Variants in CDH12 observed in about 807,000 individuals in gnomAD.
CDH12 encodes cadherin 12.
A neutral mutation model predicts 74.1 loss-of-function variants in CDH12; 41 were observed. That is an observed-to-expected ratio of 0.55 (90% CI 0.43 to 0.72). CDH12 has a LOEUF of 0.72. Ranked by LOEUF, CDH12 falls within the 30% of genes least tolerant of loss-of-function variation. CDH12 has a pLI of 0.00. For synonymous variants in CDH12, 399 were observed against 355.0 expected (o/e 1.12, Z -1.39); for missense variants, 945 against 977.2 (o/e 0.97, Z 0.44).
rs549064537 is a variant in CDH12, at chr5:22,412,002, T to C, written c.-427-6651A>G. ...TGAAAATAGAATATACAAGTTAATG[T>C]GCAATGTGCTTTTAAAGCACAATTG... On this transcript the variant is annotated intron_variant, in intron 2 of 14. Transcript: ENST00000382254. Among the ~76,000 whole-genome samples the C allele has an allele frequency of 2.6e-5, 4 of 152,136 alleles. No homozygotes were observed. In the South Asian group the frequency reaches 8.3e-4, roughly 31 times the overall value.
intron 3 of CDH12, among the ~76,000 whole-genome samples, chr5:22,221,533 A>T (rs947673920): frequency 6.6e-6 from 1 of 151,806 alleles, no homozygotes; most frequent in African/African-American, 2.4e-5. Flanking sequence ...ACTTAATGGC[A>T]CTCACCTTGA....
At chr5:21,931,666 T>C (rs1754845188) in intron 6 of CDH12, among the ~76,000 whole-genome samples, 1 of 152,226 alleles carries the variant, frequency 6.6e-6, no homozygotes, top group African/African-American at 2.4e-5. Flanking sequence ...TAAGTTGTTT[T>C]CCAATCTTAA....
intron 11 of CDH12, among the ~76,000 whole-genome samples, chr5:21,775,150 C>T (rs1028534612): frequency 6.6e-6 from 1 of 152,128 alleles, no homozygotes; most frequent in African/African-American, 2.4e-5. Flanking sequence ...ATTCTCAAAG[C>T]GAATAGAACT....
chr5:22,569,963 A>G (rs1739464495), intron 1 of CDH12, among the ~76,000 whole-genome samples: 1 of 152,208 alleles, frequency 6.6e-6, no homozygotes, highest in Non-Finnish European at 1.5e-5. Context: ...ATGGTTTTCA[A>G]TTACTATGCT....
chr5:21,901,465 T>C lies in CDH12; in HGVS notation c.527-46675A>G, dbSNP rs577899408. On this transcript the variant is annotated intron_variant, in intron 6 of 14. Coordinates refer to ENST00000382254, the MANE Select transcript of CDH12 (RefSeq NM_004061.5). ...TTTTCAAATATCTTTTTTCAAAAAC[T>C]TGTTGGAACTGTTCTACTTCTATGA... is the stretch of plus-strand genomic sequence containing the variant. Among the ~76,000 whole-genome samples, 3 of 152,322 alleles carry C rather than the reference T, an allele frequency of 2.0e-5. No homozygotes were observed. In the East Asian group the frequency reaches 5.8e-4, roughly 29 times the overall value.
intron 3 of CDH12, among the ~76,000 whole-genome samples, chr5:22,225,236 A>T (rs1303798560): frequency 6.6e-6 from 1 of 152,132 alleles, no homozygotes; most frequent in Non-Finnish European, 1.5e-5. Context: ...AAGGATGCTA[A>T]CGTTATAAAT....
At chr5:22,117,517 ATATATAATAT>A (rs1745238743) in intron 4 of CDH12, among the ~76,000 whole-genome samples, 2 of 87,442 alleles carry the variant, frequency 2.3e-5, no homozygotes, top group African/African-American at 5.0e-5. Context: ...TATATAATAT[ATATATAATAT>A]ATATATATAT....
chr5:22,359,813 C>A (rs997778310), intron 3 of CDH12, among the ~76,000 whole-genome samples: 1 of 152,134 alleles, frequency 6.6e-6, no homozygotes. Context: ...AACTGAACAA[C>A]CTGCTCCTGA....
intron 3 of CDH12, among the ~76,000 whole-genome samples, chr5:22,347,569 C>A (rs1450340268): frequency 2.0e-5 from 3 of 152,122 alleles, no homozygotes; most frequent in Non-Finnish European, 4.4e-5. Flanking sequence ...TGGGACTTCA[C>A]CTTGTGATTC....
At chr5:22,409,680 C>A (rs1337954923) in intron 2 of CDH12, among the ~76,000 whole-genome samples, 1 of 152,050 alleles carries the variant, frequency 6.6e-6, no homozygotes, top group Non-Finnish European at 1.5e-5. Context: ...TGATTCTACT[C>A]AATGTTTCTT....
intron 1 of CDH12, among the ~76,000 whole-genome samples, chr5:22,592,719 T>C (rs527569632): frequency 2.9e-5 from 4 of 137,180 alleles, no homozygotes; most frequent in East Asian, 2.4e-4. Context: ...AATTTGATGA[T>C]TGCAGTCACC....
intron 1 of CDH12, among the ~76,000 whole-genome samples, chr5:22,608,398 A>C (rs889817672): frequency 1.3e-5 from 2 of 152,204 alleles, no homozygotes; most frequent in Non-Finnish European, 2.9e-5. Flanking sequence ...CATTTGGAAC[A>C]GGTGCATTTA....
intron 4 of CDH12, among the ~76,000 whole-genome samples, chr5:22,173,628 T>C (rs1749169648): frequency 6.6e-6 from 1 of 151,600 alleles, no homozygotes; most frequent in Non-Finnish European, 1.5e-5. Flanking sequence ...TTCTATGAGA[T>C]GGTATGATGT....
rs576886362 is a variant in CDH12 at position 22,122,144 on chromosome 5, T to C, written c.-186-43282A>G. ...TCTGCTGGGCGCAGTGGCTTATGCC[T>C]GTAATCCCAGCACTTTTGGAGGCCT... is the stretch of plus-strand genomic sequence containing the variant. On this transcript the variant is annotated intron_variant, in intron 4 of 14. Transcript: ENST00000382254. Among the ~76,000 whole-genome samples the C allele has an allele frequency of 2.6e-3, 395 of 152,298 alleles. 6 individuals are homozygous for C. The highest frequency in any genetic ancestry group is 9.0e-3 in the African/African-American group (373 of 41,576).
rs140425048 is a variant in CDH12, at chr5:22,275,883, T to C, written c.-332-63240A>G. Among the ~76,000 whole-genome samples the C allele has an allele frequency of 5.2e-3, 793 of 152,244 alleles. 1 individual carries two copies. The highest frequency in any genetic ancestry group is 0.02 in the Middle Eastern group (6 of 294). On this transcript the variant is annotated intron_variant, in intron 3 of 14. Transcript: ENST00000382254. ...CCTCTACGACTAGTTCTTTGCCCAA[T>C]TGGTGATTTAATTGGTGACAGAGTA...
intron 6 of CDH12, among the ~76,000 whole-genome samples, chr5:21,895,258 C>A (rs1288273800): frequency 1.3e-5 from 2 of 152,162 alleles, no homozygotes; most frequent in Non-Finnish European, 2.9e-5. Context: ...ACCTCACATA[C>A]CCCATGTTTA....
chr5:22,428,797 T>C (rs17273410), intron 2 of CDH12, among the ~76,000 whole-genome samples: 42,819 of 151,988 alleles, frequency 0.28, 6,164 homozygotes, highest in Non-Finnish European at 0.31. Flanking sequence ...TTCTCTCTTC[T>C]AGCATATCCA....
At position 22,742,198 on chromosome 5, in the gene CDH12, G is replaced by A. The variant is rs1745062357; in HGVS notation, c.-523+110860C>T. Among the ~76,000 whole-genome samples, 5 of 150,594 alleles carry A rather than the reference G, an allele frequency of 3.3e-5. No homozygotes were observed. In the Admixed American group the frequency reaches 3.3e-4, roughly 10 times the overall value. On this transcript the variant is annotated intron_variant, in intron 1 of 14. Coordinates refer to ENST00000382254, the MANE Select transcript of CDH12 (RefSeq NM_004061.5). ...CTCCATTTCAAAAAAAAAGAAGAAA[G>A]AAAGAAAGAAAGGAAGAGAGAGAGA...
intron 2 of CDH12, among the ~76,000 whole-genome samples, chr5:22,425,158 TATATATATATATAA>T (rs1554039882): frequency 2.3e-5 from 3 of 132,432 alleles, no homozygotes; most frequent in African/African-American, 8.5e-5. Flanking sequence ...TGTGTGTATA[TATATATATATATAA>T]ATATATATAT....
Sources: allele counts gnomAD v4.1 joint callset (sites outside exome capture counted in the v4.1 genomes callset), GRCh38; gene constraint gnomAD v4.1.1; transcripts MANE v1.5; gene names NCBI Gene and HGNC (gene_info 2026-07-23, HGNC 2026-07-21).